FOXP1: variants seen among roughly 807,000 people sequenced by gnomAD.
FOXP1 encodes forkhead box P1, also known as forkhead box protein P1.
In FOXP1, 15 loss-of-function variants were observed where a neutral mutation model predicts 98.2. That is an observed-to-expected ratio of 0.15 (90% CI 0.10 to 0.24). The LOEUF (loss-of-function observed/expected upper bound fraction) is 0.24, where lower values mean the gene tolerates loss of function less well. FOXP1 is among the 10% of genes least tolerant of loss of function. The probability of loss-of-function intolerance (pLI) is 1.00; values close to 1 mark genes in which losing one functional copy is unlikely to be tolerated. For missense variants in FOXP1, 633 were observed against 848.5 expected, an observed-to-expected ratio of 0.75 and a Z score of 3.15; for synonymous variants, 371 against 314.5, an observed-to-expected ratio of 1.18 and a Z score of -1.90.
chr3:71,443,237 T>G (rs917716860), intron 3 of FOXP1, among the ~76,000 whole-genome samples: 13 of 152,224 alleles, frequency 8.5e-5, no homozygotes, highest in Admixed American at 2.0e-4. Context: ...TATGTATTCA[T>G]GGGGTACTGT....
At chr3:71,431,266 G>C (rs979450764) in intron 3 of FOXP1, among the ~76,000 whole-genome samples, 3 of 152,156 alleles carry the variant, frequency 2.0e-5, no homozygotes, top group African/African-American at 4.8e-5. Flanking sequence ...ATCAGGGAAG[G>C]CTTCATGGAT....
chr3:71,538,315 T>C (rs2044475030), intron 2 of FOXP1, among the ~76,000 whole-genome samples: 1 of 152,184 alleles, frequency 6.6e-6, no homozygotes, highest in Non-Finnish European at 1.5e-5. Context: ...CCATTAGCAG[T>C]CTCTCCCCAT....
intron 12 of FOXP1, among the ~76,000 whole-genome samples, chr3:71,011,888 G>C: frequency 6.6e-6 from 1 of 152,222 alleles, no homozygotes; most frequent in South Asian, 2.1e-4. Flanking sequence ...TATAGGAATT[G>C]AGTCTAGGCC....
intron 4 of FOXP1, among the ~76,000 whole-genome samples, chr3:71,322,013 G>A (rs1476501174): frequency 6.6e-6 from 1 of 152,218 alleles, no homozygotes. Flanking sequence ...AATGAGATCT[G>A]TGTGTCAGAT....
At chr3:71,461,528 C>T (rs1013413798) in intron 3 of FOXP1, among the ~76,000 whole-genome samples, 2 of 152,006 alleles carry the variant, frequency 1.3e-5, no homozygotes, top group Admixed American at 6.6e-5. Flanking sequence ...AGAGGCCGGG[C>T]GTGGTGGCTC....
chr3:71,514,323 T>A (rs182082374), intron 2 of FOXP1, among the ~76,000 whole-genome samples: 1 of 152,310 alleles, frequency 6.6e-6, no homozygotes, highest in East Asian at 1.9e-4. Context: ...AAGAACTACT[T>A]GGCGTCACAA....
At chr3:71,371,911 C>T (rs2079349917) in intron 3 of FOXP1, among the ~76,000 whole-genome samples, 1 of 152,188 alleles carries the variant, frequency 6.6e-6, no homozygotes, top group Admixed American at 6.5e-5. Context: ...ACACCACACT[C>T]GGCTTATTCC....
At chr3:71,007,722 A>G (rs1163491917) in intron 12 of FOXP1, among the ~76,000 whole-genome samples, 6 of 152,206 alleles carry the variant, frequency 3.9e-5, no homozygotes, top group Non-Finnish European at 8.8e-5. Context: ...TTGTGAAAAC[A>G]TTACAGAGCA....
At chr3:71,201,497 A>T (rs1349616302) in intron 5 of FOXP1, among the ~76,000 whole-genome samples, 1 of 152,178 alleles carries the variant, frequency 6.6e-6, no homozygotes, top group East Asian at 1.9e-4. Flanking sequence ...ATACAAAAAA[A>T]TTAGCCGGGC....
chr3:71,170,851 T>C (rs1233658615), intron 6 of FOXP1, among the ~76,000 whole-genome samples: 1 of 152,200 alleles, frequency 6.6e-6, no homozygotes, highest in Admixed American at 6.5e-5. Flanking sequence ...TGGGGCCGTC[T>C]CTTTCCTCTC....
At chr3:71,280,113 ACT>A (rs1297441126) in intron 5 of FOXP1, among the ~76,000 whole-genome samples, 29 of 121,492 alleles carry the variant, frequency 2.4e-4, no homozygotes, top group Admixed American at 2.3e-3. Flanking sequence ...ACAGAGTGAG[ACT>A]CTGTCTCAAA....
rs189232221 is a variant in FOXP1, at chr3:71,274,111, C to T, written c.-12+25709G>A. ...ATTCCTTGGGTCGAATATTTCACAT[C>T]AAAAAGGACTTCCATACTAGCACCA... On this transcript the variant is annotated intron_variant, in intron 5 of 20. Transcript: ENST00000649528. 7.8e-4 allele frequency among the ~76,000 whole-genome samples: 118 copies of T among 152,256 alleles called. 1 individual carries two copies. The highest frequency in any genetic ancestry group is 2.7e-3 in the African/African-American group (114 of 41,528).
At chr3:71,018,804 C>G (rs568338239) in intron 11 of FOXP1, among the ~76,000 whole-genome samples, 3 of 152,266 alleles carry the variant, frequency 2.0e-5, no homozygotes, top group African/African-American at 7.2e-5. Context: ...CACCATACTT[C>G]TTACATCTTT....
chr3:71,421,218 G>A (rs771439862), intron 3 of FOXP1, among the ~76,000 whole-genome samples: 3 of 152,096 alleles, frequency 2.0e-5, no homozygotes, highest in Admixed American at 6.6e-5. Flanking sequence ...GTAAGAATGC[G>A]CAAAGCAAGA....
chr3:71,125,449 A>G (rs1381337931), intron 6 of FOXP1, among the ~76,000 whole-genome samples: 1 of 152,234 alleles, frequency 6.6e-6, no homozygotes, highest in Non-Finnish European at 1.5e-5. Context: ...ATAGAAAAAT[A>G]TATTCGGTTA....
intron 2 of FOXP1, among the ~76,000 whole-genome samples, chr3:71,537,436 C>T (rs1416832458): frequency 6.6e-6 from 1 of 152,186 alleles, no homozygotes; most frequent in African/African-American, 2.4e-5. Context: ...AGTGTGCATT[C>T]CAGAATGAAT....
chr3:71,075,265 C>T (rs2053678550), intron 7 of FOXP1, among the ~76,000 whole-genome samples: 1 of 152,172 alleles, frequency 6.6e-6, no homozygotes, highest in Admixed American at 6.5e-5. Context: ...TAGTACTTCA[C>T]CCACACAAGG....
chr3:71,516,918 A>G (rs1050964318), intron 2 of FOXP1, among the ~76,000 whole-genome samples: 6 of 152,176 alleles, frequency 3.9e-5, no homozygotes, highest in Non-Finnish European at 7.3e-5. Flanking sequence ...CATACGCCAT[A>G]TATGAAGCAC....
At chr3:71,516,790 G>T (rs1189936883) in intron 2 of FOXP1, among the ~76,000 whole-genome samples, 2 of 152,180 alleles carry the variant, frequency 1.3e-5, no homozygotes, top group African/African-American at 4.8e-5. Context: ...AGGTTGCAGT[G>T]AGCTGAGATC....
Sources: allele counts gnomAD v4.1 joint callset (sites outside exome capture counted in the v4.1 genomes callset), GRCh38; gene constraint gnomAD v4.1.1; transcripts MANE v1.5; gene names NCBI Gene and HGNC (gene_info 2026-07-23, HGNC 2026-07-21).